GGACT: variants seen among roughly 807,000 people sequenced by gnomAD.
GGACT encodes the protein gamma-glutamylamine cyclotransferase.
For synonymous variants in GGACT, 118 were observed against 115.3 expected, an observed-to-expected ratio of 1.02 and a Z score of -0.15; for missense variants, 241 against 233.2, an observed-to-expected ratio of 1.03 and a Z score of -0.22.
intron 1 of GGACT, among the ~76,000 whole-genome samples, chr13:100,586,182 C>A (rs547491800): frequency 6.6e-6 from 1 of 152,108 alleles, no homozygotes; most frequent in East Asian, 1.9e-4. Context: ...CAAGCAAATG[C>A]CCTTTCTCTG....
chr13:100,551,626 C>T (rs994361125), intron 2 of GGACT, among the ~76,000 whole-genome samples: 1 of 152,156 alleles, frequency 6.6e-6, no homozygotes, highest in Non-Finnish European at 1.5e-5. Context: ...AGTGGGTCCC[C>T]TAAAATCCAG....
At chr13:100,581,796 A>G (rs1248715105) in intron 2 of GGACT, among the ~76,000 whole-genome samples, 1 of 152,200 alleles carries the variant, frequency 6.6e-6, no homozygotes, top group Non-Finnish European at 1.5e-5. Flanking sequence ...AGTCATGTAG[A>G]CAGTATGTGT....
chr13:100,587,164 C>G (rs1270799836), intron 1 of GGACT: 1 of 152,212 alleles, frequency 6.6e-6, no homozygotes, highest in Non-Finnish European at 1.5e-5. Flanking sequence ...GGTAAGGGCC[C>G]TGGCTCGAGG....
chr13:100,530,208 A>C lies in GGACT; in HGVS notation c.*1922T>G. ...CAGTCATCACCCAATTTAATTAGCC[A>C]TTTGCATGATGCTTTCACACACAAT... On this transcript the variant is annotated 3_prime_UTR_variant, in exon 3 of 3. Coordinates refer to ENST00000683975, the MANE Select transcript of GGACT (RefSeq NM_001195087.2). 5 of 1,431,860 alleles carry C rather than the reference A, an allele frequency of 3.5e-6. No individual in the cohort carries two copies. Among genetic ancestry groups the C allele is most frequent in the Non-Finnish European group, 4.9e-6 (5 of 1,014,270 alleles). The allele number at this position is 1,431,860 out of a possible 1,614,324, so 88.7% of individuals were successfully genotyped here.
chr13:100,564,358 T>A (rs988935138), intron 2 of GGACT, among the ~76,000 whole-genome samples: 1 of 152,074 alleles, frequency 6.6e-6, no homozygotes, highest in Non-Finnish European at 1.5e-5. Flanking sequence ...TTTCACAGGT[T>A]TTCCTAAAAA....
chr13:100,580,844 G>A (rs1594200096), intron 2 of GGACT, among the ~76,000 whole-genome samples: 1 of 152,196 alleles, frequency 6.6e-6, no homozygotes, highest in East Asian at 1.9e-4. Flanking sequence ...CAAGACTAAA[G>A]GCAAAAGGAA....
Position 100,539,597 on chromosome 13 carries a change from C to A in GGACT, c.-10-6996G>T, listed in dbSNP as rs113455476. 291 of 406,812 alleles carry A rather than the reference C, an allele frequency of 7.2e-4. 1 individual carries two copies. The highest frequency in any genetic ancestry group is 5.5e-3 in the African/African-American group (269 of 48,686). 25.2% of individuals were successfully genotyped at this position (406,812 alleles called of 1,614,324 possible). ...AATCCTTTTAATGTGTTGTTGAATT[C>A]TGTTTGCTAGTGTGTTGTTTAGGAT... On this transcript the variant is annotated intron_variant, in intron 2 of 2. Coordinates refer to ENST00000683975, the MANE Select transcript of GGACT (RefSeq NM_001195087.2).
chr13:100,543,382 A>G, intron 2 of GGACT, among the ~76,000 whole-genome samples: 1 of 151,430 alleles, frequency 6.6e-6, no homozygotes, highest in East Asian at 1.9e-4. Flanking sequence ...TAATTTTTGT[A>G]TTTTTAGTAG....
Position 100,532,445 on chromosome 13 carries a change from G to A in GGACT, c.147C>T (p.Asn49=). ...CGGGCAGGTGCAGCAGCCACGGGATGTTGTGCTCCCCCGCGATCACCAACG... is the reference window on the plus strand; with the variant it reads ...CGGGCAGGTGCAGCAGCCACGGGATATTGTGCTCCCCCGCGATCACCAACG... ...PYPLVIAGEH[N]IPWLLHLPGS... is the part of the protein sequence containing the mutation. The change falls in exon 3 of 3, where the codon AAC becomes AAT. Residue 49 remains asparagine, a synonymous_variant. Transcript: ENST00000683975. 6.5e-7 allele frequency: 1 copy of A among 1,549,918 alleles called. No homozygotes were observed.
chr13:100,575,206 A>G (rs1417230822), intron 2 of GGACT, among the ~76,000 whole-genome samples: 1 of 152,254 alleles, frequency 6.6e-6, no homozygotes, highest in Non-Finnish European at 1.5e-5. Flanking sequence ...CTGAGAGCCT[A>G]TACCATAGCA....
At chr13:100,573,342 T>C (rs1455967498) in intron 2 of GGACT, among the ~76,000 whole-genome samples, 1 of 152,186 alleles carries the variant, frequency 6.6e-6, no homozygotes, top group Non-Finnish European at 1.5e-5. Context: ...TATGTGCATA[T>C]ATGTGACTTC....
chr13:100,546,361 C>CAAAAAAAAAAAAA (rs778470021), intron 2 of GGACT, among the ~76,000 whole-genome samples: 1 of 54,610 alleles, frequency 1.8e-5, no homozygotes, highest in Admixed American at 1.9e-4. Flanking sequence ...GACTCTGTCT[C>CAAAAAAAAAAAAA]AAAAAAAAAA....
Position 100,542,528 on chromosome 13 carries a change from A to G in GGACT, c.-10-9927T>C, listed in dbSNP as rs79431128. 4.8e-3 allele frequency among the ~76,000 whole-genome samples: 735 copies of G among 152,312 alleles called. 8 individuals are homozygous for G. The highest frequency in any genetic ancestry group is 0.017 in the African/African-American group (693 of 41,562). ...TGAGACCTTAACATCAGTTTGGAGA[A>G]TTTTACTTTGGGTTCCTAGAGCCAA... On this transcript the variant is annotated intron_variant, in intron 2 of 2. Coordinates refer to ENST00000683975, the MANE Select transcript of GGACT (RefSeq NM_001195087.2).
At chr13:100,532,691 C>G in intron 2 of GGACT, 90 bp from the exon 3 acceptor site, 1 of 1,027,632 alleles carries the variant, frequency 9.7e-7, no homozygotes, top group Non-Finnish European at 1.4e-6. Context: ...AGAGCCTCCA[C>G]TGGGGCCGCA....
Position 100,532,399 on chromosome 13 carries a change from C to T in GGACT, c.193G>A (p.Gly65Ser), listed in dbSNP as rs1187933469. The T allele has an allele frequency of 6.5e-7, 1 of 1,550,302 alleles. No individual in the cohort carries two copies. Among genetic ancestry groups the T allele is most frequent in the East Asian group, 2.4e-5 (1 of 40,908 alleles). The change falls in exon 3 of 3, where the codon GGC becomes AGC. Residue 65 changes from glycine to serine, a missense_variant. By Grantham distance (56) the Gly-to-Ser change is moderately conservative (BLOSUM62 0). Transcript: ENST00000683975. The part of the protein sequence containing the change: ...HLPGSGRLVE[G>S]EVYAVDERML... ...CGCTCGTCTACCGCGTAGACCTCGC[C>T]CTCCACGAGGCGCCCCGAGCCGGGC...
intron 2 of GGACT, among the ~76,000 whole-genome samples, chr13:100,579,869 C>G (rs1439539199): frequency 1.3e-5 from 2 of 152,160 alleles, no homozygotes; most frequent in African/African-American, 4.8e-5. Flanking sequence ...GGGTGTCAGC[C>G]ATGACCCTTA....
intron 1 of GGACT, among the ~76,000 whole-genome samples, chr13:100,587,837 C>T (rs1236026657): frequency 6.6e-6 from 1 of 152,190 alleles, no homozygotes; most frequent in Non-Finnish European, 1.5e-5. Context: ...ACCAGCCTGG[C>T]CAACATGGTG....
intron 2 of GGACT, among the ~76,000 whole-genome samples, chr13:100,579,106 C>T (rs779977768): frequency 6.6e-5 from 10 of 152,200 alleles, no homozygotes; most frequent in Non-Finnish European, 1.3e-4. Flanking sequence ...TTCTTTCTTA[C>T]TGGGTGCCCA....
chr13:100,586,965 G>C (rs1423983821), intron 1 of GGACT: 2 of 152,248 alleles, frequency 1.3e-5, no homozygotes, highest in East Asian at 1.9e-4. Context: ...GCAGGACACT[G>C]GGCAGTCATG....
Sources: gnomAD v4.1 joint callset for allele counts (sites outside exome capture counted in the v4.1 genomes callset) on GRCh38, gnomAD v4.1.1 for gene constraint, MANE v1.5 for transcripts, NCBI Gene and HGNC (gene_info 2026-07-23, HGNC 2026-07-21) for gene names.